RPS6KC1: variants seen among roughly 807,000 people sequenced by gnomAD.
RPS6KC1 encodes ribosomal protein S6 kinase C1.
RPS6KC1 carries 54 observed loss-of-function variants against 103.8 expected under a neutral mutation model. That is an observed-to-expected ratio of 0.52 (90% CI 0.42 to 0.65). The LOEUF is 0.65. Ranked by LOEUF, RPS6KC1 falls within the 30% of genes least tolerant of loss-of-function variation. The pLI is 0.00. For missense variants in RPS6KC1, 1,151 were observed against 1,253.8 expected (o/e 0.92, Z 1.24); for synonymous variants, 439 against 438.7 (o/e 1.00, Z -0.01).
chr1:213,085,487 ATAAG>A (rs1042825717), intron 3 of RPS6KC1, among the ~76,000 whole-genome samples: 1 of 152,200 alleles, frequency 6.6e-6, no homozygotes, highest in African/African-American at 2.4e-5. Flanking sequence ...CTTGAAGCTA[ATAAG>A]TAACCTTTGG....
At chr1:213,741,727 C>G in the RPS6KC1 span, among the ~76,000 whole-genome samples, 4 of 152,188 alleles carry the variant, frequency 2.6e-5, no homozygotes, top group East Asian at 7.7e-4. Flanking sequence ...TGCCTCCGCC[C>G]TTCTCTCCAG....
chr1:213,359,479 T>C, the RPS6KC1 span, among the ~76,000 whole-genome samples: 1 of 152,204 alleles, frequency 6.6e-6, no homozygotes, highest in Non-Finnish European at 1.5e-5. Context: ...CTCTTGAATA[T>C]AGCACACTGA....
In RPS6KC1 at chr1:213,274,755, C is replaced by T. The variant is rs1287368954; in HGVS notation, c.*2121C>T. 6.6e-6 allele frequency: 1 copy of T among 151,550 alleles called. No individual in the cohort carries two copies. The highest frequency in any genetic ancestry group is 1.5e-5 in the Non-Finnish European group (1 of 67,938). The allele number at this position is 151,550 out of a possible 1,614,324, so 9.4% of individuals were successfully genotyped here. A position where few individuals can be genotyped will look rare whatever the true frequency, so the allele number is the denominator to read the frequency against. On this transcript the variant is annotated 3_prime_UTR_variant, in exon 15 of 15. Transcript: ENST00000366960. Reference sequence around the variant, plus strand: ...GAAGAGTGGAATATGGGGTCAAAATCATAAAAGAAGTTGCCATGAGTGTTT... The same window carrying T: ...GAAGAGTGGAATATGGGGTCAAAATTATAAAAGAAGTTGCCATGAGTGTTT...
chr1:213,441,042 C>T, the RPS6KC1 span, among the ~76,000 whole-genome samples: 3 of 152,180 alleles, frequency 2.0e-5, no homozygotes, highest in Non-Finnish European at 4.4e-5. Context: ...TAGAGGTCAG[C>T]TCCGGCCATT....
chr1:213,786,691 C>A, the RPS6KC1 span, among the ~76,000 whole-genome samples: 38 of 152,290 alleles, frequency 2.5e-4, 1 homozygote, highest in Admixed American at 2.3e-3. Context: ...TGGATGATGA[C>A]AACTAGTCCC....
chr1:213,377,223 G>A, the RPS6KC1 span, among the ~76,000 whole-genome samples: 12 of 152,326 alleles, frequency 7.9e-5, no homozygotes, highest in East Asian at 3.9e-4. Context: ...TCCTGAATGC[G>A]ATAACCTTTT....
the RPS6KC1 span, among the ~76,000 whole-genome samples, chr1:213,460,301 T>G: frequency 6.6e-6 from 1 of 152,214 alleles, no homozygotes; most frequent in Non-Finnish European, 1.5e-5. Context: ...TTAGCTCTTC[T>G]TGTTGCATTG....
At chr1:213,133,908 T>C (rs1034487098) in intron 6 of RPS6KC1, among the ~76,000 whole-genome samples, 16 of 152,128 alleles carry the variant, frequency 1.1e-4, no homozygotes, top group African/African-American at 3.6e-4. Context: ...GATGGAGAAG[T>C]GGGAAATCCT....
chr1:213,104,743 C>CTT lies in RPS6KC1; in HGVS notation c.378+188_378+189dup, dbSNP rs1340531256. Among the ~76,000 whole-genome samples the CTT allele has an allele frequency of 3.0e-3, 397 of 134,344 alleles. 1 individual carries two copies. The highest frequency in any genetic ancestry group is 5.2e-3 in the Non-Finnish European group (321 of 61,802). The allele number at this position is 134,344 out of a possible 152,430, so 88.1% of individuals were successfully genotyped here. On this transcript the variant is annotated intron_variant, in intron 4 of 14. Coordinates refer to ENST00000366960, the MANE Select transcript of RPS6KC1 (RefSeq NM_012424.6). ...CCTATTTTTAGTATAGAAATTTATG[C>CTT]TTTTTTTTTTTTTTTAAAGGAACTG...
At chr1:213,096,438 C>G (rs1332201078) in intron 3 of RPS6KC1, among the ~76,000 whole-genome samples, 6 of 149,864 alleles carry the variant, frequency 4.0e-5, no homozygotes, top group Admixed American at 3.3e-4. Context: ...CCTATAGTCC[C>G]AACACTTTGG....
At chr1:213,803,646 G>A in the RPS6KC1 span, among the ~76,000 whole-genome samples, 2 of 152,120 alleles carry the variant, frequency 1.3e-5, no homozygotes, top group Non-Finnish European at 2.9e-5. Context: ...GGGGTGGCGA[G>A]GTTGTCTTTC....
At chr1:213,309,073 C>T in the RPS6KC1 span, among the ~76,000 whole-genome samples, 1 of 151,924 alleles carries the variant, frequency 6.6e-6, no homozygotes, top group Admixed American at 6.6e-5. Context: ...GGGTGGATCA[C>T]GAGGTCAGGA....
chr1:213,832,052 A>C, the RPS6KC1 span, among the ~76,000 whole-genome samples: 2,214 of 152,258 alleles, frequency 0.015, 50 homozygotes, highest in African/African-American at 0.051. Context: ...TGTAACCAAG[A>C]CCCATGTATT....
chr1:213,621,572 A>ATT, the RPS6KC1 span, among the ~76,000 whole-genome samples: 1 of 150,012 alleles, frequency 6.7e-6, no homozygotes, highest in South Asian at 2.1e-4. Flanking sequence ...GTGTAAAAAT[A>ATT]GACTGAAGGA....
chr1:213,635,587 C>T, the RPS6KC1 span, among the ~76,000 whole-genome samples: 2 of 152,158 alleles, frequency 1.3e-5, no homozygotes, highest in African/African-American at 4.8e-5. Flanking sequence ...GCTAAAAACT[C>T]TCAATAAACT....
chr1:213,551,799 A>AT, the RPS6KC1 span, among the ~76,000 whole-genome samples: 1 of 152,208 alleles, frequency 6.6e-6, no homozygotes, highest in Admixed American at 6.5e-5. Context: ...GGTATTCACC[A>AT]TTGTAGCATC....
chr1:213,851,902 T>C, the RPS6KC1 span, among the ~76,000 whole-genome samples: 1 of 152,206 alleles, frequency 6.6e-6, no homozygotes, highest in African/African-American at 2.4e-5. Flanking sequence ...TCTCCTGTGC[T>C]ATTCTTCTCT....
chr1:213,488,361 G>A, the RPS6KC1 span, among the ~76,000 whole-genome samples: 1 of 152,204 alleles, frequency 6.6e-6, no homozygotes, highest in African/African-American at 2.4e-5. Flanking sequence ...GCCTCCTAGA[G>A]GTTCAGCTAT....
At chr1:213,093,002 GTTA>G (rs1464841159) in intron 3 of RPS6KC1, among the ~76,000 whole-genome samples, 1 of 152,054 alleles carries the variant, frequency 6.6e-6, no homozygotes, top group Non-Finnish European at 1.5e-5. Context: ...GTTCTTAGCT[GTTA>G]TTATCAGCTG....
Sources: gnomAD v4.1 joint callset for allele counts (sites outside exome capture counted in the v4.1 genomes callset) on GRCh38, gnomAD v4.1.1 for gene constraint, MANE v1.5 for transcripts, NCBI Gene and HGNC (gene_info 2026-07-23, HGNC 2026-07-21) for gene names.